Variants in MYH6 observed in about 807,000 individuals in gnomAD.
MYH6 encodes the protein myosin-6.
Under a neutral mutation model 223.2 loss-of-function variants are expected in MYH6, and 126 were observed. That is an observed-to-expected ratio of 0.56 (90% confidence interval 0.49 to 0.65). The LOEUF is 0.65. MYH6 is among the 30% of genes least tolerant of loss of function. The pLI, the probability that MYH6 is intolerant of heterozygous loss-of-function variation, is 0.00. For missense variants in MYH6, 2,040 were observed against 2,536.4 expected (o/e 0.80, Z 4.20); for synonymous variants, 978 against 1,010.2 (o/e 0.97, Z 0.61).
chr14:23,386,882 C>A (rs539234277), intron 32 of MYH6, among the ~76,000 whole-genome samples: 21 of 152,270 alleles, frequency 1.4e-4, no homozygotes, highest in Admixed American at 4.6e-4. Flanking sequence ...TGCATAAATT[C>A]CTGACCTGTC....
At chr14:23,401,298 C>T (rs779769504) in intron 12 of MYH6, among the ~76,000 whole-genome samples, 17 of 152,258 alleles carry the variant, frequency 1.1e-4, no homozygotes, top group Non-Finnish European at 2.4e-4. Context: ...TGAGCCACTG[C>T]ACCTGGCCTG....
At position 23,393,823 on chromosome 14, in the gene MYH6, A is replaced by T. The variant is rs746669440; in HGVS notation, c.2771T>A (p.Met924Lys). 1 of 1,614,154 alleles carries T rather than the reference A, an allele frequency of 6.2e-7. No individual in the cohort carries two copies. Among genetic ancestry groups the T allele is most frequent in the Non-Finnish European group, 8.5e-7 (1 of 1,180,046 alleles). ...KIQLEAKVKE[M>K]NERLEDEEEM... ...CTCCTCATCCTCCAGCCTCTCATTC[A>T]TCTCCTTTACTTTGGCCTCCAGCTG... The change falls in exon 22 of 39, where the codon ATG (methionine) becomes AAG (lysine). Residue 924 changes from methionine to lysine, a missense_variant. By Grantham distance (95) the Met-to-Lys change is moderately conservative. This residue lies in a region of MYH6 where 1,203 missense variants were observed against 1,400.2 expected (regional missense o/e 0.86). Coordinates refer to ENST00000405093, the MANE Select transcript of MYH6 (RefSeq NM_002471.4).
At position 23,387,547 on chromosome 14, in the gene MYH6, T is replaced by C. The variant is rs925904347; in HGVS notation, c.4632A>G (p.Ser1544=). 9 of 1,613,890 alleles carry C rather than the reference T, an allele frequency of 5.6e-6. No individual in the cohort carries two copies. In the Middle Eastern group the frequency reaches 5.0e-4, roughly 90 times the overall value. The change falls in exon 32 of 39, where the codon TCA becomes TCG. Residue 1544 remains serine, a synonymous_variant. Coordinates refer to ENST00000405093, the MANE Select transcript of MYH6 (RefSeq NM_002471.4). ...QLEVEKLELQ[S]ALEEAEASLE... is the part of the protein sequence containing the mutation. ...CCCTCACCTCTGCCTCCTCCAGGGC[T>C]GACTGCAGCTCCAGCTTCTCCACCT...
In MYH6 at chr14:23,389,424, T is replaced by G; in HGVS notation, c.3947A>C (p.Asp1316Ala). The change falls in exon 28 of 39, where the codon GAC becomes GCC. Residue 1316 changes from aspartate (D) to alanine (A), a missense_variant. Transcript: ENST00000405093. ...GKLSYTQQMEDLKRQLEEEGK... is the reference protein window; with the variant it reads ...GKLSYTQQMEALKRQLEEEGK... ...CTCCTCCTCCAGCTGCCTTTTGAGG[T>G]CCTCCATTTGCTGGGTATAAGAGAG... 2 of 1,614,070 alleles carry G rather than the reference T, an allele frequency of 1.2e-6. No homozygotes were observed. The highest frequency in any genetic ancestry group is 1.7e-6 in the Non-Finnish European group (2 of 1,180,000).
At chr14:23,399,671 C>T (rs953300343) in intron 14 of MYH6, 1 of 190,918 alleles carries the variant, frequency 5.2e-6, no homozygotes, top group Non-Finnish European at 1.1e-5. Context: ...AACATGAGAA[C>T]TCTGGTTAAG....
At chr14:23,406,913 TG>T in intron 3 of MYH6, 109 bp downstream of exon 3, 2 of 1,197,946 alleles carry the variant, frequency 1.7e-6, no homozygotes, top group Non-Finnish European at 2.5e-6. Flanking sequence ...GCATCCCCAC[TG>T]GCCTTGGCTT....
At position 23,393,805 on chromosome 14, in the gene MYH6, T is replaced by A; in HGVS notation, c.2789A>T (p.Asp930Val). 1 of 1,614,224 alleles carries A rather than the reference T, an allele frequency of 6.2e-7. No homozygotes were observed. The highest frequency in any genetic ancestry group is 1.3e-5 in the African/African-American group (1 of 75,058). ...KVKEMNERLE[D>V]EEEMNAELTA... ...GAGCTCCGCGTTCATCTCCTCCTCA[T>A]CCTCCAGCCTCTCATTCATCTCCTT... Residue 930 changes from aspartate (D) to valine (V), a missense_variant, in exon 22 of 39, where the codon GAT becomes GTT. Physicochemically the swap from Asp to Val is radical, Grantham distance 152. This residue lies in a region of MYH6 where 1,203 missense variants were observed against 1,400.2 expected (regional missense o/e 0.86). Coordinates refer to ENST00000405093, the MANE Select transcript of MYH6 (RefSeq NM_002471.4).
rs397516758 is a variant in MYH6, at chr14:23,405,719, C to A, written c.253G>T (p.Asp85Tyr). The A allele has an allele frequency of 6.2e-7, 1 of 1,614,150 alleles. No individual in the cohort carries two copies. ...AGCATGGCCATGTCCTCAATCTTGT[C>A]GAACTTGGGTGGGTTCTGCTGCAAC... is the stretch of plus-strand genomic sequence containing the variant. ...QVLQQNPPKF[D>Y]KIEDMAMLTF... The change falls in exon 4 of 39, where the codon GAC (aspartate) becomes TAC (tyrosine). Residue 85 changes from aspartate to tyrosine, a missense_variant. Physicochemically the swap from Asp to Tyr is radical, Grantham distance 160 (BLOSUM62 -3). This residue lies in a region of MYH6 where 184 missense variants were observed against 232.4 expected (regional missense o/e 0.79). Transcript: ENST00000405093. This position sits in a 1 kb window ranked among gnomAD's most constrained non-coding sequence, Gnocchi z 4.7.
rs1891815015 is a variant in MYH6 at position 23,407,137 on chromosome 14, C to T, written c.87G>A (p.Arg29=). The T allele has an allele frequency of 1.2e-6, 2 of 1,614,162 alleles. No individual in the cohort carries two copies. The highest frequency in any genetic ancestry group is 1.7e-5 in the Admixed American group (1 of 60,010). ...SEKERLEAQT[R]PFDIRTECFV... is the part of the protein sequence containing the mutation. The stretch of plus-strand genomic sequence containing the variant: ...AGCACTCAGTGCGAATGTCAAAGGG[C>T]CGGGTCTGGGCCTCTAGACGCTCCT... The change falls in exon 3 of 39, where the codon CGG becomes CGA. Residue 29 remains arginine (R), a synonymous_variant. Transcript: ENST00000405093. This position sits in a 1 kb window ranked among gnomAD's most constrained non-coding sequence, Gnocchi z 5.6.
At chr14:23,384,368 C>T in intron 36 of MYH6, 74 bp downstream of exon 36, 2 of 1,597,252 alleles carry the variant, frequency 1.3e-6, no homozygotes, top group South Asian at 2.2e-5. Flanking sequence ...GTGAGAGGAG[C>T]CCTGTGAGGG....
chr14:23,403,562 G>T, intron 9 of MYH6, 116 bp from the exon 10 acceptor site: 1 of 1,164,766 alleles, frequency 8.6e-7, no homozygotes, highest in Non-Finnish European at 1.3e-6. Context: ...AGAGGGCCAG[G>T]CGAGAAGATG....
chr14:23,383,367 G>A (rs751947827), intron 36 of MYH6, 47 bp from the exon 37 acceptor site: 30 of 1,399,028 alleles, frequency 2.1e-5, no homozygotes, highest in Non-Finnish European at 2.9e-5. Context: ...GGGAGCAAAT[G>A]CAATCACCTT....
chr14:23,393,026 A>AT lies in MYH6; in HGVS notation c.3136_3137insA (p.Val1046AspfsTer29). 1 of 1,614,156 alleles carries AT rather than the reference A, an allele frequency of 6.2e-7. No individual in the cohort carries two copies. Among genetic ancestry groups the AT allele is most frequent in the Non-Finnish European group, 8.5e-7 (1 of 1,180,022 alleles). On this transcript the variant is annotated frameshift_variant, in exon 24 of 39. Transcript: ENST00000405093. LOFTEE classifies it high-confidence loss of function. ...CTTTGCTCGCTCCAGGTCCATGCGC[A>AT]CCTTCTTCTCTTGCTCTAGGGATCC...
chr14:23,407,049 C>A lies in MYH6; in HGVS notation c.175G>T (p.Val59Phe), dbSNP rs377029781. 2 of 1,614,126 alleles carry A rather than the reference C, an allele frequency of 1.2e-6. No homozygotes were observed. Among genetic ancestry groups the A allele is most frequent in the Non-Finnish European group, 1.7e-6 (2 of 1,180,064 alleles). Residue 59 changes from valine to phenylalanine, a missense_variant, in exon 3 of 39, where the codon GTC (valine) becomes TTC (phenylalanine). Physicochemically the swap from Val to Phe is conservative, Grantham distance 50. Around this residue, in one of 4 missense-constraint regions of MYH6, gnomAD observed 184 missense variants for 232.4 expected, o/e 0.79. Transcript: ENST00000405093. The surrounding 1 kb of genome is among the most constrained non-coding windows in gnomAD (Gnocchi z 5.6). Reference protein sequence around the residue: ...AKILSREGGKVIAETENGKTV... With the variant: ...AKILSREGGKFIAETENGKTV... The stretch of plus-strand genomic sequence containing the variant: ...TTCCCATTCTCGGTTTCAGCAATGA[C>A]CTTGCCTCCCTCCCGGGACAAAATC...
intron 32 of MYH6, 121 bp from the exon 33 acceptor site, chr14:23,386,744 G>A: frequency 7.8e-7 from 1 of 1,274,776 alleles, no homozygotes; most frequent in Non-Finnish European, 1.1e-6. Flanking sequence ...GAGAAGAGAT[G>A]GGGAGGTGGG....
intron 35 of MYH6, 57 bp downstream of exon 35, chr14:23,384,859 T>A: frequency 1.2e-6 from 2 of 1,613,292 alleles, no homozygotes; most frequent in Non-Finnish European, 1.7e-6. Context: ...TGGCCTGGCC[T>A]GGACCCAAGG....
At position 23,393,860 on chromosome 14, in the gene MYH6, T is replaced by C; in HGVS notation, c.2734A>G (p.Lys912Glu). 1 of 1,614,252 alleles carries C rather than the reference T, an allele frequency of 6.2e-7. No homozygotes were observed. The highest frequency in any genetic ancestry group is 8.5e-7 in the Non-Finnish European group (1 of 1,180,042). ...TTGGCCTCCAGCTGAATCTTGTTTTTGATCAGCTGGTCGCAGCGCTCCTCA... is the reference window on the plus strand; with the variant it reads ...TTGGCCTCCAGCTGAATCTTGTTTTCGATCAGCTGGTCGCAGCGCTCCTCA... The part of the protein sequence containing the change: ...DAEERCDQLI[K>E]NKIQLEAKVK... Residue 912 changes from lysine to glutamate, a missense_variant, in exon 22 of 39, where the codon AAA becomes GAA. Physicochemically the swap from Lys to Glu is moderately conservative, Grantham distance 56. Coordinates refer to ENST00000405093, the MANE Select transcript of MYH6 (RefSeq NM_002471.4).
Position 23,402,578 on chromosome 14 carries a change from T to C in MYH6, c.1027A>G (p.Thr343Ala). 1 of 1,613,608 alleles carries C rather than the reference T, an allele frequency of 6.2e-7. No individual in the cohort carries two copies. The highest frequency in any genetic ancestry group is 8.5e-7 in the Non-Finnish European group (1 of 1,179,908). The change falls in exon 12 of 39, where the codon ACT becomes GCT. Residue 343 changes from threonine to alanine, a missense_variant. By Grantham distance (58) the Thr-to-Ala change is moderately conservative. This residue lies in a region of MYH6 where 649 missense variants were observed against 877.3 expected (regional missense o/e 0.74). Coordinates refer to ENST00000405093, the MANE Select transcript of MYH6 (RefSeq NM_002471.4). The part of the protein sequence containing the change: ...TDSAFDVLGF[T>A]SEEKAGVYKL... Reference sequence around the variant, plus strand: ...TAGACGCCAGCTTTCTCCTCTGAAGTGAAGCCCAGCACGTCAAAGGCACTC... The same window carrying C: ...TAGACGCCAGCTTTCTCCTCTGAAGCGAAGCCCAGCACGTCAAAGGCACTC...
In MYH6 at chr14:23,383,308, T is replaced by C; in HGVS notation, c.5578A>G (p.Lys1860Glu). The C allele has an allele frequency of 9.6e-7, 1 of 1,038,252 alleles. No homozygotes were observed. Among genetic ancestry groups the C allele is most frequent in the Non-Finnish European group, 1.4e-6 (1 of 729,984 alleles). 64.3% of individuals were successfully genotyped at this position (1,038,252 alleles called of 1,614,324 possible). The change falls in exon 37 of 39, where the codon AAA (lysine) becomes GAA (glutamate). Residue 1860 changes from lysine to glutamate, a missense_variant. Transcript: ENST00000405093. ...KELTYQTEEDKKNLLRLQDLV... is the reference protein window; with the variant it reads ...KELTYQTEEDEKNLLRLQDLV... ...TCCTGTAGCCGCAGCAGGTTCTTTT[T>C]GTCTTCCTCTGTCTGGGGGTGGGAG...
Sources: gnomAD v4.1 joint callset for allele counts (sites outside exome capture counted in the v4.1 genomes callset) on GRCh38, gnomAD v4.1.1 for gene constraint, gnomAD v4.1.1 regional missense constraint, Gnocchi (gnomAD v3.1) non-coding constraint, MANE v1.5 for transcripts, NCBI Gene and HGNC (gene_info 2026-07-23, HGNC 2026-07-21) for gene names.